The following SNTG2 variants were observed in gnomAD, a reference collection of about 807,000 sequenced individuals.
SNTG2 encodes the protein syntrophin gamma 2.
In SNTG2, 74 loss-of-function variants were observed where a neutral mutation model predicts 70.9. The observed-to-expected ratio is 1.04, with a 90% CI of 0.86 to 1.27. The LOEUF is 1.27. Ranked by LOEUF, SNTG2 falls within the 50% of genes most tolerant of loss-of-function variation. The pLI is 0.00. For missense variants in SNTG2, 717 were observed against 690.7 expected (o/e 1.04, Z -0.43); for synonymous variants, 278 against 273.8 (o/e 1.02, Z -0.15).
chr2:1,124,227 C>T (rs1667555799), intron 4 of SNTG2, among the ~76,000 whole-genome samples: 2 of 151,986 alleles, frequency 1.3e-5, no homozygotes, highest in Non-Finnish European at 2.9e-5. Context: ...TATTTTTACC[C>T]TGTAAGTTTA....
intron 1 of SNTG2, among the ~76,000 whole-genome samples, chr2:955,809 CAGCAAGTCCTCT>C (rs56996123): frequency 0.039 from 5,982 of 152,294 alleles, 386 homozygotes; most frequent in African/African-American, 0.14. Context: ...TTGGATTTGG[CAGCAAGTCCTCT>C]AGCAAGTCCT....
At chr2:1,147,825 A>G (rs960845208) in intron 6 of SNTG2, among the ~76,000 whole-genome samples, 1 of 152,234 alleles carries the variant, frequency 6.6e-6, no homozygotes, top group Non-Finnish European at 1.5e-5. Context: ...TGATTGTTCC[A>G]TGTGAAAGTA....
chr2:1,068,925 G>C (rs910438126), intron 1 of SNTG2, among the ~76,000 whole-genome samples: 1 of 152,190 alleles, frequency 6.6e-6, no homozygotes, highest in East Asian at 1.9e-4. Flanking sequence ...TGGTAGGGCC[G>C]TACTCATTGA....
intron 6 of SNTG2, among the ~76,000 whole-genome samples, chr2:1,140,258 C>T (rs940257355): frequency 1.3e-5 from 2 of 152,232 alleles, no homozygotes; most frequent in African/African-American, 4.8e-5. Flanking sequence ...CATCTTAATA[C>T]ACATACATGC....
At chr2:1,222,613 T>C (rs367744815) in intron 9 of SNTG2, among the ~76,000 whole-genome samples, 90 of 2,578 alleles carry the variant, frequency 0.035, 5 homozygotes, top group South Asian at 0.062. Context: ...AGGTGCTGGA[T>C]CGCTGTAGAG....
At chr2:1,358,245 G>A (rs776538972) in intron 16 of SNTG2, among the ~76,000 whole-genome samples, 2 of 151,928 alleles carry the variant, frequency 1.3e-5, no homozygotes, top group Non-Finnish European at 2.9e-5. Flanking sequence ...ATGAACTTTG[G>A]GTGAACAAAA....
intron 1 of SNTG2, 91 bp from the exon 2 acceptor site, chr2:1,083,427 A>G: frequency 1.4e-6 from 2 of 1,389,754 alleles, no homozygotes; most frequent in Non-Finnish European, 2.0e-6. Flanking sequence ...GCATTTTAGG[A>G]TTGTCTTGAG....
chr2:1,069,339 GAA>G (rs36036888), intron 1 of SNTG2, among the ~76,000 whole-genome samples: 37 of 142,786 alleles, frequency 2.6e-4, no homozygotes, highest in African/African-American at 9.1e-4. Context: ...TTATATAAAT[GAA>G]AAAAAAAAAA....
At chr2:1,149,023 T>G (rs1259339453) in intron 6 of SNTG2, among the ~76,000 whole-genome samples, 1 of 152,044 alleles carries the variant, frequency 6.6e-6, no homozygotes, top group Non-Finnish European at 1.5e-5. Context: ...TACCATGGAG[T>G]GTACCCCAGG....
chr2:1,077,915 G>A (rs116001969), intron 1 of SNTG2, among the ~76,000 whole-genome samples: 185 of 152,104 alleles, frequency 1.2e-3, no homozygotes, highest in African/African-American at 4.3e-3. Flanking sequence ...ACAGGTACCC[G>A]AGACCTCCTG....
At chr2:1,047,715 C>T (rs539884260) in intron 1 of SNTG2, among the ~76,000 whole-genome samples, 22 of 152,308 alleles carry the variant, frequency 1.4e-4, no homozygotes, top group Admixed American at 1.2e-3. Flanking sequence ...TCTTGCTCAG[C>T]CACGTGGTTC....
intron 12 of SNTG2, among the ~76,000 whole-genome samples, chr2:1,249,780 A>AT (rs1677648426): frequency 6.6e-6 from 1 of 152,216 alleles, no homozygotes; most frequent in South Asian, 2.1e-4. Flanking sequence ...CTTTTTCTTC[A>AT]TACCTGCTGT....
intron 9 of SNTG2, among the ~76,000 whole-genome samples, chr2:1,233,976 G>A (rs1676438852): frequency 1.3e-5 from 2 of 152,210 alleles, no homozygotes; most frequent in South Asian, 4.1e-4. Context: ...ACAATCTCAT[G>A]TGTGTCCATC....
chr2:956,094 A>ACCTGCCCCTACCCCTGCCCTGCC (rs1660135188), intron 1 of SNTG2, among the ~76,000 whole-genome samples: 1 of 50,806 alleles, frequency 2.0e-5, no homozygotes, highest in South Asian at 7.4e-4. Context: ...AATGCTCCGC[A>ACCTGCCCCTACCCCTGCCCTGCC]CCTGCCCCTA....
chr2:1,076,292 C>T (rs1278123685), intron 1 of SNTG2, among the ~76,000 whole-genome samples: 1 of 152,164 alleles, frequency 6.6e-6, no homozygotes, highest in African/African-American at 2.4e-5. Context: ...AAGTCTGTTC[C>T]TTCCTTCCAC....
intron 1 of SNTG2, among the ~76,000 whole-genome samples, chr2:1,050,192 C>A (rs1483677211): frequency 6.6e-6 from 1 of 152,042 alleles, no homozygotes; most frequent in Admixed American, 6.6e-5. Context: ...GAATTTTTTT[C>A]CTTTTAATGT....
At chr2:1,242,085 A>G (rs1677089667) in intron 11 of SNTG2, among the ~76,000 whole-genome samples, 1 of 152,180 alleles carries the variant, frequency 6.6e-6, no homozygotes, top group African/African-American at 2.4e-5. Context: ...CTTAGAGCTG[A>G]GCTTCATTAT....
intron 6 of SNTG2, among the ~76,000 whole-genome samples, chr2:1,161,845 C>T (rs4971401): frequency 0.81 from 122,566 of 151,864 alleles, 49,851 homozygotes; most frequent in Middle Eastern, 0.9. Context: ...GAGGCCGAGG[C>T]GGGCGGATCA....
At chr2:1,317,945 A>T (rs1434430068) in intron 16 of SNTG2, among the ~76,000 whole-genome samples, 1 of 152,274 alleles carries the variant, frequency 6.6e-6, no homozygotes, top group Non-Finnish European at 1.5e-5. Context: ...GCAGGAAATC[A>T]TTATTTTAAA....
Sources: allele counts gnomAD v4.1 joint callset (sites outside exome capture counted in the v4.1 genomes callset), GRCh38; gene constraint gnomAD v4.1.1; transcripts MANE v1.5; gene names NCBI Gene and HGNC (gene_info 2026-07-23, HGNC 2026-07-21).